EEF2K: variants seen among roughly 807,000 people sequenced by gnomAD.
EEF2K encodes the protein eukaryotic elongation factor 2 kinase, also known as alternative protein EEF2K.
EEF2K carries 70 observed loss-of-function variants against 93.8 expected under a neutral mutation model. That is an observed-to-expected ratio of 0.75 (90% CI 0.62 to 0.91). The LOEUF (loss-of-function observed/expected upper bound fraction) is 0.91, where lower values mean the gene tolerates loss of function less well. Among genes scored for constraint, EEF2K ranks in the 40% least tolerant of loss-of-function variants. The probability of loss-of-function intolerance (pLI) is 0.00; values close to 1 mark genes in which losing one functional copy is unlikely to be tolerated. For missense variants in EEF2K, 935 were observed against 972.9 expected (o/e 0.96, Z 0.52); for synonymous variants, 376 against 380.8 (o/e 0.99, Z 0.15).
intron 16 of EEF2K, among the ~76,000 whole-genome samples, chr16:22,274,544 C>T (rs2047616630): frequency 6.6e-6 from 1 of 151,816 alleles, no homozygotes; most frequent in Non-Finnish European, 1.5e-5. Flanking sequence ...AAAGACTATG[C>T]AGCATCCAGG....
At chr16:22,251,373 A>G in intron 6 of EEF2K, 51 bp downstream of exon 6, 2 of 1,595,270 alleles carry the variant, frequency 1.3e-6, no homozygotes, top group Middle Eastern at 1.8e-4. Context: ...AGCTGGGCAC[A>G]GTGTCTGGGA....
At chr16:22,272,877 G>T (rs1037209892) in intron 15 of EEF2K, among the ~76,000 whole-genome samples, 1 of 152,156 alleles carries the variant, frequency 6.6e-6, no homozygotes, top group Admixed American at 6.6e-5. Context: ...GGCCAGGCTG[G>T]TCTCGAACTG....
Position 22,284,367 on chromosome 16 carries a change from G to A in EEF2K, c.*371G>A, listed in dbSNP as rs1037669519. 10 of 186,632 alleles carry A rather than the reference G, an allele frequency of 5.4e-5. No individual in the cohort carries two copies. The highest frequency in any genetic ancestry group is 2.5e-3 in the Middle Eastern group (1 of 394). 11.6% of individuals were successfully genotyped at this position (186,632 alleles called of 1,614,324 possible). ...ATGATCTTAGCTCACTGCAACCTCC[G>A]CCTCCTGGGTTCAAGTGATTCTCCT... On this transcript the variant is annotated 3_prime_UTR_variant, in exon 18 of 18. Coordinates refer to ENST00000263026, the MANE Select transcript of EEF2K (RefSeq NM_013302.5).
intron 3 of EEF2K, among the ~76,000 whole-genome samples, chr16:22,246,668 G>C (rs1369492747): frequency 1.3e-5 from 2 of 151,882 alleles, no homozygotes; most frequent in Non-Finnish European, 2.9e-5. Flanking sequence ...CAAAGTGAAG[G>C]CTTCAGAAAT....
intron 4 of EEF2K, among the ~76,000 whole-genome samples, chr16:22,249,845 G>A (rs765234430): frequency 7.3e-5 from 11 of 151,588 alleles, no homozygotes; most frequent in Admixed American, 1.3e-4. Flanking sequence ...GCAATGGTGC[G>A]ATCTTGGCTC....
intron 16 of EEF2K, among the ~76,000 whole-genome samples, chr16:22,278,078 G>GC (rs1291705022): frequency 1.3e-5 from 2 of 152,048 alleles, no homozygotes; most frequent in African/African-American, 4.8e-5. Flanking sequence ...GTGGTGACAT[G>GC]CCCCTGTCAT....
intron 1 of EEF2K, among the ~76,000 whole-genome samples, chr16:22,222,400 G>A (rs1467017248): frequency 1.3e-5 from 2 of 151,552 alleles, no homozygotes; most frequent in Non-Finnish European, 2.9e-5. Context: ...GTAAAGTCAG[G>A]GTCCCATTAT....
chr16:22,248,700 G>T, intron 3 of EEF2K, 55 bp from the exon 4 acceptor site: 1 of 1,606,016 alleles, frequency 6.2e-7, no homozygotes, highest in South Asian at 1.1e-5. Context: ...TTTAGCCAGT[G>T]AGAAACAGGA....
chr16:22,285,456 TA>T lies in EEF2K; in HGVS notation c.*1461del, dbSNP rs1567295060. ...CCCATGGCCAGACAATGGCGATTGT[TA>T]TTTAATGAGCTTTTCCTTTCAATGG... is the stretch of plus-strand genomic sequence containing the variant. On this transcript the variant is annotated 3_prime_UTR_variant, in exon 18 of 18. Coordinates refer to ENST00000263026, the MANE Select transcript of EEF2K (RefSeq NM_013302.5). The T allele has an allele frequency of 6.6e-6, 1 of 152,244 alleles. No homozygotes were observed. The highest frequency in any genetic ancestry group is 2.4e-5 in the African/African-American group (1 of 41,468). 9.4% of individuals were successfully genotyped at this position (152,244 alleles called of 1,614,324 possible).
chr16:22,248,365 G>A lies in EEF2K; in HGVS notation c.348-390G>A, dbSNP rs186849460. Among the ~76,000 whole-genome samples the A allele has an allele frequency of 3.4e-4, 51 of 151,938 alleles. No individual in the cohort carries two copies. In the East Asian group the frequency reaches 5.8e-3, roughly 17 times the overall value. ...GGCGTGAACCACCAAGTCCGGCCAT[G>A]TATATTTATTAAGCATCCACACACA... On this transcript the variant is annotated intron_variant, in intron 3 of 17. Coordinates refer to ENST00000263026, the MANE Select transcript of EEF2K (RefSeq NM_013302.5).
At chr16:22,263,924 C>G (rs1236534382) in intron 12 of EEF2K, among the ~76,000 whole-genome samples, 1 of 152,192 alleles carries the variant, frequency 6.6e-6, no homozygotes, top group Non-Finnish European at 1.5e-5. Context: ...AGGTCTTACC[C>G]TGTGCTGAAA....
At chr16:22,281,761 G>A (rs185305992) in intron 17 of EEF2K, among the ~76,000 whole-genome samples, 1 of 152,178 alleles carries the variant, frequency 6.6e-6, no homozygotes, top group Non-Finnish European at 1.5e-5. Flanking sequence ...CTTTCATTTA[G>A]CATAACTTTT....
intron 1 of EEF2K, among the ~76,000 whole-genome samples, chr16:22,219,664 T>C (rs2046993263): frequency 6.6e-6 from 1 of 152,188 alleles, no homozygotes; most frequent in Non-Finnish European, 1.5e-5. Flanking sequence ...GATGTGACTT[T>C]TTATGATATG....
chr16:22,230,410 C>T (rs975702264), intron 2 of EEF2K, among the ~76,000 whole-genome samples: 2 of 152,106 alleles, frequency 1.3e-5, no homozygotes, highest in South Asian at 2.1e-4. Flanking sequence ...GATAGGGTCT[C>T]GCCATGTTGC....
intron 2 of EEF2K, among the ~76,000 whole-genome samples, chr16:22,229,728 A>T (rs1024117975): frequency 6.6e-6 from 1 of 152,114 alleles, no homozygotes; most frequent in Admixed American, 6.6e-5. Flanking sequence ...AAAGGCGAAC[A>T]TTATTGGACT....
intron 13 of EEF2K, 43 bp from the exon 14 acceptor site, chr16:22,266,347 C>T (rs2047517637): frequency 6.3e-7 from 1 of 1,580,170 alleles, no homozygotes. Flanking sequence ...ATGCTGCGTC[C>T]ACCCCCAGCC....
chr16:22,216,723 G>A (rs79386260), intron 1 of EEF2K, among the ~76,000 whole-genome samples: 2 of 152,020 alleles, frequency 1.3e-5, no homozygotes, highest in African/African-American at 2.4e-5. Flanking sequence ...GCAAGATGCC[G>A]TCTGTAATAA....
intron 2 of EEF2K, among the ~76,000 whole-genome samples, chr16:22,231,972 G>A (rs1046050313): frequency 1.9e-4 from 25 of 134,072 alleles, no homozygotes; most frequent in Non-Finnish European, 6.1e-5. Context: ...CCTGGGCAAC[G>A]AGAGCGAAAC....
At chr16:22,263,988 A>G (rs987500259) in intron 12 of EEF2K, among the ~76,000 whole-genome samples, 14 of 152,128 alleles carry the variant, frequency 9.2e-5, no homozygotes, top group African/African-American at 3.4e-4. Context: ...TCTCAGCTTT[A>G]TGATTGTGAA....
Sources: gnomAD v4.1 joint callset for allele counts (sites outside exome capture counted in the v4.1 genomes callset) on GRCh38, gnomAD v4.1.1 for gene constraint, MANE v1.5 for transcripts, NCBI Gene and HGNC (gene_info 2026-07-23, HGNC 2026-07-21) for gene names.